Variants in RTTN observed in about 807,000 individuals in gnomAD.
RTTN encodes rotatin.
Under a neutral mutation model 269.2 loss-of-function variants are expected in RTTN, and 182 were observed. The ratio of observed to expected loss-of-function variants is 0.68; its 90% CI spans 0.60 to 0.76. The LOEUF (loss-of-function observed/expected upper bound fraction) is 0.76. RTTN is among the 30% of genes least tolerant of loss of function. The pLI is 0.00. For synonymous variants in RTTN, 1,006 were observed against 963.5 expected (o/e 1.04, Z -0.82); for missense variants, 2,545 against 2,608.6 (o/e 0.98, Z 0.53).
intron 7 of RTTN, among the ~76,000 whole-genome samples, chr18:70,195,893 A>G (rs1600059366): frequency 1.3e-5 from 2 of 152,344 alleles, no homozygotes; most frequent in East Asian, 1.9e-4. Flanking sequence ...GAAACTCCCA[A>G]TGAAATAGGG....
chr18:70,189,652 G>A (rs147154074), intron 9 of RTTN, among the ~76,000 whole-genome samples: 45 of 152,280 alleles, frequency 3.0e-4, no homozygotes, highest in African/African-American at 1.0e-3. Context: ...CTTCAGGCAA[G>A]TTTCTAAACC....
intron 30 of RTTN, among the ~76,000 whole-genome samples, chr18:70,089,622 C>T (rs903007881): frequency 2.0e-5 from 3 of 152,018 alleles, no homozygotes; most frequent in Non-Finnish European, 4.4e-5. Context: ...ATGCCAGAAA[C>T]GTAGACATGG....
At position 70,139,580 on chromosome 18, in the gene RTTN, CAG is replaced by C; in HGVS notation, c.2788+17_2788+18del. The C allele has an allele frequency of 7.2e-7, 1 of 1,384,468 alleles. No homozygotes were observed. The highest frequency in any genetic ancestry group is 1.0e-6 in the Non-Finnish European group (1 of 981,950). The allele number at this position is 1,384,468 out of a possible 1,614,324, so 85.8% of individuals were successfully genotyped here. On this transcript the variant is annotated intron_variant, in intron 21 of 48. Coordinates refer to ENST00000640769, the MANE Select transcript of RTTN (RefSeq NM_173630.4). ...AATTTAAGAACAATCTAATTATTAG[CAG>C]ATTTTCTTTTATTTACCTCTGAATA...
rs905192456 is a variant in RTTN, at chr18:70,135,233, C to T, written c.2836G>A (p.Ala946Thr). ...EDCSVVTEVG[A>T]LFCLLLFDEV... ...TCAAATAATAGAAGACAAAATAGTG[C>T]TCCAACTTCAGTCACGACACTACAA... Residue 946 changes from alanine (A) to threonine (T), a missense_variant, in exon 22 of 49, where the codon GCA becomes ACA. By Grantham distance (58) the Ala-to-Thr change is moderately conservative. Coordinates refer to ENST00000640769, the MANE Select transcript of RTTN (RefSeq NM_173630.4). 8 of 1,541,614 alleles carry T rather than the reference C, an allele frequency of 5.2e-6. No homozygotes were observed. The highest frequency in any genetic ancestry group is 2.9e-5 in the African/African-American group (2 of 68,954).
At chr18:70,053,632 T>G (rs369497787) in intron 38 of RTTN, 4 of 152,240 alleles carry the variant, frequency 2.6e-5, no homozygotes, top group African/African-American at 9.6e-5. Flanking sequence ...TATTAGATTT[T>G]GACAAAGATC....
chr18:70,197,495 A>G, intron 6 of RTTN, 129 bp downstream of exon 6: 1 of 675,720 alleles, frequency 1.5e-6, no homozygotes, highest in Non-Finnish European at 2.7e-6. Flanking sequence ...TGCTTTAAAT[A>G]GCCAAATACT....
Position 70,065,910 on chromosome 18 carries a change from A to G in RTTN, c.4666T>C (p.Leu1556=), listed in dbSNP as rs918450514. 18 of 1,594,794 alleles carry G rather than the reference A, an allele frequency of 1.1e-5. No homozygotes were observed. The highest frequency in any genetic ancestry group is 5.2e-5 in the Admixed American group (3 of 57,530). ...AGTGGCTGAAATTCAGTACTCCCCAATGAAGGTGCCACCTATGAATCAGTA... is the reference window on the plus strand; with the variant it reads ...AGTGGCTGAAATTCAGTACTCCCCAGTGAAGGTGCCACCTATGAATCAGTA... ...STSETTVAPS[L]GSTEFQPLVQ... Residue 1556 remains leucine, a synonymous_variant, in exon 35 of 49, where the codon TTG becomes CTG. Transcript: ENST00000640769.
chr18:70,023,948 A>G (rs1222157392), intron 44 of RTTN, among the ~76,000 whole-genome samples: 1 of 152,048 alleles, frequency 6.6e-6, no homozygotes, highest in East Asian at 1.9e-4. Flanking sequence ...ATGCCTGGCT[A>G]ATTTTTGTGT....
chr18:70,073,121 T>A (rs1288130683), intron 34 of RTTN, among the ~76,000 whole-genome samples: 1 of 152,116 alleles, frequency 6.6e-6, no homozygotes, highest in Non-Finnish European at 1.5e-5. Context: ...ATCTTTCCCT[T>A]CCTGATATGT....
chr18:70,004,579 C>T (rs1486413161), intron 48 of RTTN, among the ~76,000 whole-genome samples: 3 of 151,586 alleles, frequency 2.0e-5, no homozygotes, highest in Non-Finnish European at 4.4e-5. Flanking sequence ...TCCAGAAATT[C>T]ATGGTCGCAG....
intron 23 of RTTN, chr18:70,129,168 C>T (rs532249455): frequency 8.6e-5 from 13 of 151,890 alleles, no homozygotes; most frequent in African/African-American, 2.4e-4. Context: ...TTTGTTCTAC[C>T]GTAAAGACAC....
At chr18:70,136,614 A>C (rs1027985731) in intron 21 of RTTN, among the ~76,000 whole-genome samples, 1 of 152,004 alleles carries the variant, frequency 6.6e-6, no homozygotes, top group Non-Finnish European at 1.5e-5. Flanking sequence ...TAAAACTAAA[A>C]TAAGAAAATA....
intron 27 of RTTN, among the ~76,000 whole-genome samples, chr18:70,112,791 T>C (rs1288348433): frequency 2.0e-5 from 3 of 152,068 alleles, no homozygotes; most frequent in African/African-American, 7.2e-5. Context: ...ATTCAGGACT[T>C]GAACTCAGCT....
At chr18:70,134,598 C>A in intron 22 of RTTN, 57 bp from the exon 23 acceptor site, 1 of 1,225,050 alleles carries the variant, frequency 8.2e-7, no homozygotes, top group South Asian at 1.3e-5. Flanking sequence ...CAAGTTTTGT[C>A]TAACAAATAC....
rs377480200 is a variant in RTTN, at chr18:70,201,903, G to A, written c.478C>T (p.Arg160Ter). 1.3e-5 allele frequency: 21 copies of A among 1,603,062 alleles called. No individual in the cohort carries two copies. Among genetic ancestry groups the A allele is most frequent in the Admixed American group, 6.7e-5 (4 of 59,816 alleles). The change falls in exon 4 of 49, where the codon CGA becomes TGA. Residue 160 changes from arginine to a stop codon, truncating the protein, a stop_gained. Coordinates refer to ENST00000640769, the MANE Select transcript of RTTN (RefSeq NM_173630.4). LOFTEE classifies it high-confidence loss of function. ...CCCGACATATACACACCCACTGGTC[G>A]TGGCGGCACTTCCATCTGCTGGAAA... ...SNFQQMEVPP[R>*]PVVNQTVKCL...
chr18:70,171,789 GTCTGTTAGAAATGCCGGCTCTCAGGC>G (rs2061150008), intron 11 of RTTN, among the ~76,000 whole-genome samples: 2 of 152,342 alleles, frequency 1.3e-5, no homozygotes, highest in African/African-American at 4.8e-5. Context: ...AATTCTATGA[GTCTGTTAGAAATGCCGGCTCTCAGGC>G]CCTACCCTTT....
intron 21 of RTTN, among the ~76,000 whole-genome samples, chr18:70,135,486 T>C (rs1284846837): frequency 6.6e-6 from 1 of 152,098 alleles, no homozygotes; most frequent in Non-Finnish European, 1.5e-5. Flanking sequence ...ATTGGATAGG[T>C]TTAGGGTGGA....
chr18:70,140,939 T>C (rs970000509), intron 19 of RTTN, among the ~76,000 whole-genome samples: 2 of 152,076 alleles, frequency 1.3e-5, no homozygotes, highest in Non-Finnish European at 2.9e-5. Context: ...CATACTGATA[T>C]TGAAGTGGAA....
Position 70,114,434 on chromosome 18 carries a change from A to C in RTTN, c.3683+11T>G. 6.2e-7 allele frequency: 1 copy of C among 1,609,472 alleles called. No individual in the cohort carries two copies. Among genetic ancestry groups the C allele is most frequent in the Non-Finnish European group, 8.5e-7 (1 of 1,177,948 alleles). On this transcript the variant is annotated intron_variant, in intron 27 of 48. Coordinates refer to ENST00000640769, the MANE Select transcript of RTTN (RefSeq NM_173630.4). ...TAAATGCACCTAAACCTGCAATATT[A>C]CAAATGGTACCTGTCAGTAACTTCC...
Sources: gnomAD v4.1 joint callset for allele counts (sites outside exome capture counted in the v4.1 genomes callset) on GRCh38, gnomAD v4.1.1 for gene constraint, MANE v1.5 for transcripts, NCBI Gene and HGNC (gene_info 2026-07-23, HGNC 2026-07-21) for gene names.